The following ARL10 variants were observed in gnomAD, a reference collection of about 807,000 sequenced individuals.
ARL10 encodes ARF like GTPase 10.
ARL10 carries 23 observed loss-of-function variants against 26.1 expected under a neutral mutation model. The ratio of observed to expected loss-of-function variants is 0.88; its 90% CI spans 0.63 to 1.25. The LOEUF (loss-of-function observed/expected upper bound fraction) is 1.25. Ranked by LOEUF, ARL10 falls within the 50% of genes most tolerant of loss-of-function variation. The probability of loss-of-function intolerance (pLI) is 0.00; values close to 1 mark genes in which losing one functional copy is unlikely to be tolerated. For synonymous variants in ARL10, 138 were observed against 149.1 expected (o/e 0.93, Z 0.54); for missense variants, 300 against 323.6 (o/e 0.93, Z 0.56).
rs1768702230 is a variant in ARL10 at position 176,376,769 on chromosome 5, G to A, written c.*4874G>A. ...AGGTGTGTAGTTCCAGGAGTCTGGA[G>A]AGGTCCTTTTGAGTTGTGAGATGTG... is the stretch of plus-strand genomic sequence containing the variant. On this transcript the variant is annotated 3_prime_UTR_variant, in exon 4 of 4. Coordinates refer to ENST00000310389, the MANE Select transcript of ARL10 (RefSeq NM_173664.6). 1 of 152,208 alleles carries A rather than the reference G, an allele frequency of 6.6e-6. No individual in the cohort carries two copies. Among genetic ancestry groups the A allele is most frequent in the East Asian group, 1.9e-4 (1 of 5,192 alleles). The allele number at this position is 152,208 out of a possible 1,614,324, so 9.4% of individuals were successfully genotyped here. A position where few individuals can be genotyped will look rare whatever the true frequency, so the allele number is the denominator to read the frequency against.
intron 1 of ARL10, among the ~76,000 whole-genome samples, chr5:176,396,691 C>T (rs1207382381): frequency 2.0e-5 from 3 of 152,158 alleles, no homozygotes; most frequent in Non-Finnish European, 4.4e-5. Context: ...CAACGACCCA[C>T]AGCCCCAAAC....
At chr5:176,402,111 T>G (rs936665846), downstream of ARL10, among the ~76,000 whole-genome samples, 4 of 152,134 alleles carry the variant, frequency 2.6e-5, no homozygotes, top group Non-Finnish European at 4.4e-5. Flanking sequence ...GAGACCACCC[T>G]GGGCAACGTG....
At chr5:176,391,017 A>AT, downstream of ARL10, among the ~76,000 whole-genome samples, 1 of 152,232 alleles carries the variant, frequency 6.6e-6, no homozygotes, top group East Asian at 1.9e-4. Flanking sequence ...TTCCCGAGTG[A>AT]TTGTACTGTT....
chr5:176,410,278 T>G, the ARL10 span: 2 of 1,613,930 alleles, frequency 1.2e-6, no homozygotes, highest in Middle Eastern at 1.6e-4. Context: ...CTCCATTGAC[T>G]GTGGTCCCCA....
In ARL10 at chr5:176,371,781, C is replaced by T. The variant is rs1296520654; in HGVS notation, c.621C>T (p.Ile207=). 1.2e-5 allele frequency: 19 copies of T among 1,614,214 alleles called. No individual in the cohort carries two copies. The highest frequency in any genetic ancestry group is 1.6e-5 in the Non-Finnish European group (19 of 1,180,044). ...ELQRELGLQA[I]DNQREVFLLA... Reference sequence around the variant, plus strand: ...AGCGGGAGCTGGGTCTACAGGCTATCGATAACCAGCGGGAGGTTTTCCTCT... The same window carrying T: ...AGCGGGAGCTGGGTCTACAGGCTATTGATAACCAGCGGGAGGTTTTCCTCT... Residue 207 remains isoleucine, a synonymous_variant, in exon 4 of 4, where the codon ATC becomes ATT. Transcript: ENST00000310389.
rs913128052 is a variant in ARL10 at position 176,393,928 on chromosome 5, C to T, written c.134-7813C>T. Among the ~76,000 whole-genome samples the T allele has an allele frequency of 2.8e-4, 42 of 152,218 alleles. No individual in the cohort carries two copies. Among genetic ancestry groups the T allele is most frequent in the Non-Finnish European group, 5.9e-5 (4 of 68,036 alleles). ...TCACAAGTCCCTGGAAGCCCCCTCTCCATCTCAAGCAGGACCAGTTCTGCC... is the reference window on the plus strand; with the variant it reads ...TCACAAGTCCCTGGAAGCCCCCTCTTCATCTCAAGCAGGACCAGTTCTGCC... On this transcript the variant is annotated intron_variant, in intron 1 of 1. Transcript: ENST00000514533. The surrounding 1 kb of genome is among the most constrained non-coding windows in gnomAD (Gnocchi z 4.4).
chr5:176,385,287 A>G (rs1295634994), downstream of ARL10: 4 of 1,613,048 alleles, frequency 2.5e-6, no homozygotes, highest in African/African-American at 5.3e-5. Context: ...GAGACAGAGT[A>G]TTTCCTTTCT....
At position 176,375,329 on chromosome 5, in the gene ARL10, CATCCAT is replaced by C. The variant is rs1444548515; in HGVS notation, c.*3435_*3440del. ...CCATCCATCCATCCATCCATCCATCCATCCATCATCCACCCATCCATCCATCCATCC... is the reference window on the plus strand; with the variant it reads ...CCATCCATCCATCCATCCATCCATCCCATCCACCCATCCATCCATCCATCC... On this transcript the variant is annotated 3_prime_UTR_variant, in exon 4 of 4. Coordinates refer to ENST00000310389, the MANE Select transcript of ARL10 (RefSeq NM_173664.6). The C allele has an allele frequency of 1.5e-4, 7 of 46,436 alleles. No homozygotes were observed. The highest frequency in any genetic ancestry group is 2.6e-4 in the Non-Finnish European group (5 of 19,214). The allele number at this position is 46,436 out of a possible 1,614,324, so 2.9% of individuals were successfully genotyped here.
chr5:176,398,024 G>A, intron 1 of ARL10: 1 of 1,613,990 alleles, frequency 6.2e-7, no homozygotes, highest in East Asian at 2.2e-5. Flanking sequence ...TGGCTGCGTA[G>A]CCATCAGCAG....
At chr5:176,398,079 C>T in intron 1 of ARL10, 1 of 1,588,858 alleles carries the variant, frequency 6.3e-7, no homozygotes, top group Non-Finnish European at 8.6e-7. Context: ...GTCTATCCAG[C>T]CAGCACACCT....
downstream of ARL10, chr5:176,384,623 CA>C (rs1033383280): frequency 3.8e-6 from 2 of 529,970 alleles, no homozygotes; most frequent in Non-Finnish European, 6.7e-6. Context: ...CCTGTCTCTC[CA>C]AAAACAATAA....
chr5:176,413,444 T>G, the ARL10 span, among the ~76,000 whole-genome samples: 1 of 152,182 alleles, frequency 6.6e-6, no homozygotes, highest in African/African-American at 2.4e-5. Context: ...AAAGTGTCCA[T>G]CATCCAGATC....
downstream of ARL10, among the ~76,000 whole-genome samples, chr5:176,385,785 G>C (rs1755796049): frequency 6.6e-6 from 1 of 152,196 alleles, no homozygotes; most frequent in Admixed American, 6.5e-5. Flanking sequence ...GCCGGGTCTG[G>C]GGCCTGAGGC....
At chr5:176,386,213 C>T (rs1755833514), downstream of ARL10, 1 of 154,836 alleles carries the variant, frequency 6.5e-6, no homozygotes, top group Non-Finnish European at 1.4e-5. Flanking sequence ...TCCTCTTTGA[C>T]TACAGTAAGT....
At chr5:176,398,040 T>C (rs768942335) in intron 1 of ARL10, 16 of 1,613,882 alleles carry the variant, frequency 9.9e-6, no homozygotes, top group Admixed American at 6.7e-5. Flanking sequence ...AGCAGGACCG[T>C]TGGCCTCCTA....
chr5:176,413,989 G>A, the ARL10 span, among the ~76,000 whole-genome samples: 4 of 152,184 alleles, frequency 2.6e-5, no homozygotes, highest in Non-Finnish European at 4.4e-5. Context: ...CCCCTGCCAA[G>A]GACAGAACTT....
chr5:176,410,203 T>C, the ARL10 span: 113 of 1,495,546 alleles, frequency 7.6e-5, no homozygotes, highest in Non-Finnish European at 1.0e-4. Flanking sequence ...GGCTTTAGGT[T>C]ACTGAGACCA....
At chr5:176,388,522 G>A (rs1247616197) in exon 2 of ARL10, 3 of 1,612,598 alleles carry the variant, frequency 1.9e-6, no homozygotes, top group Non-Finnish European at 2.5e-6. Flanking sequence ...TCCGGGTTTT[G>A]CCCTTGGCCT....
At chr5:176,398,050 A>C in intron 1 of ARL10, 1 of 1,613,514 alleles carries the variant, frequency 6.2e-7, no homozygotes. Context: ...TTGGCCTCCT[A>C]GAACACAAAC....
Sources: gnomAD v4.1 joint callset for allele counts (sites outside exome capture counted in the v4.1 genomes callset) on GRCh38, gnomAD v4.1.1 for gene constraint, Gnocchi (gnomAD v3.1) non-coding constraint, MANE v1.5 for transcripts, NCBI Gene and HGNC (gene_info 2026-07-23, HGNC 2026-07-21) for gene names.